Variants in TMEM71 observed in about 807,000 individuals in gnomAD.
TMEM71 encodes transmembrane protein 71.
Under a neutral mutation model 38.0 loss-of-function variants are expected in TMEM71, and 44 were observed. That is an observed-to-expected ratio of 1.16 (90% CI 0.91 to 1.49). TMEM71 has a LOEUF of 1.49. Ranked by LOEUF, TMEM71 falls within the 40% of genes most tolerant of loss-of-function variation. The pLI, the probability that TMEM71 is intolerant of heterozygous loss-of-function variation, is 0.00. For missense variants in TMEM71, 367 were observed against 348.6 expected (o/e 1.05, Z -0.42); for synonymous variants, 133 against 122.5 (o/e 1.09, Z -0.56).
At position 132,711,045 on chromosome 8, in the gene TMEM71, C is replaced by T. The variant is rs1480454812; in HGVS notation, c.873-63G>A. On this transcript the variant is annotated intron_variant, in intron 9 of 9. Coordinates refer to ENST00000677595, the MANE Select transcript of TMEM71 (RefSeq NM_001382403.1). Reference sequence around the variant, plus strand: ...TCCCCATGCACAGGAAATGCAGTATCTAATCACTGCATACCCATTTGCGCA... The same window carrying T: ...TCCCCATGCACAGGAAATGCAGTATTTAATCACTGCATACCCATTTGCGCA... The T allele has an allele frequency of 3.4e-6, 5 of 1,464,040 alleles. 1 individual carries two copies. Among genetic ancestry groups the T allele is most frequent in the Non-Finnish European group, 4.7e-6 (5 of 1,053,700 alleles). The allele number at this position is 1,464,040 out of a possible 1,614,324, so 90.7% of individuals were successfully genotyped here.
intron 6 of TMEM71, among the ~76,000 whole-genome samples, chr8:132,726,915 G>A (rs982370106): frequency 6.8e-5 from 10 of 147,570 alleles, no homozygotes; most frequent in East Asian, 6.1e-4. Context: ...GTATGATCTC[G>A]AGTGATCTCG....
chr8:132,706,670 G>C (rs916085635), downstream of TMEM71, among the ~76,000 whole-genome samples: 2 of 152,006 alleles, frequency 1.3e-5, no homozygotes, highest in Non-Finnish European at 2.9e-5. Flanking sequence ...TAAACTTTTT[G>C]TTTTGAAAAT....
At chr8:132,739,069 T>A (rs1003288324) in intron 5 of TMEM71, among the ~76,000 whole-genome samples, 1 of 152,108 alleles carries the variant, frequency 6.6e-6, no homozygotes, top group Admixed American at 6.5e-5. Flanking sequence ...TAAAAAAAAA[T>A]GTTACGTGTG....
chr8:132,764,423 G>A (rs1267349728), upstream of TMEM71, among the ~76,000 whole-genome samples: 5 of 152,006 alleles, frequency 3.3e-5, no homozygotes, highest in African/African-American at 4.8e-5. Flanking sequence ...TAGAATATCT[G>A]ATTATGTCAC....
chr8:132,716,276 C>G (rs1468746627), intron 7 of TMEM71, among the ~76,000 whole-genome samples: 1 of 152,222 alleles, frequency 6.6e-6, no homozygotes, highest in African/African-American at 2.4e-5. Flanking sequence ...CTATCGCAAC[C>G]TAGCAGTGAC....
At chr8:132,771,023 T>C in the TMEM71 span, among the ~76,000 whole-genome samples, 1 of 152,198 alleles carries the variant, frequency 6.6e-6, no homozygotes, top group Admixed American at 6.5e-5. Context: ...TTAACAATGA[T>C]AAAAATCAGG....
intron 7 of TMEM71, among the ~76,000 whole-genome samples, chr8:132,718,525 G>A (rs1332110974): frequency 6.6e-6 from 1 of 151,628 alleles, no homozygotes. Flanking sequence ...AGCCTCCCGA[G>A]TAGCTGGGAC....
At chr8:132,727,339 C>A (rs929244224) in intron 6 of TMEM71, among the ~76,000 whole-genome samples, 6 of 151,756 alleles carry the variant, frequency 4.0e-5, no homozygotes, top group African/African-American at 1.5e-4. Flanking sequence ...TCACTGCAAC[C>A]TCTGCCTCCT....
chr8:132,710,160 G>A lies in TMEM71; in HGVS notation c.*807C>T, dbSNP rs1429378852. On this transcript the variant is annotated 3_prime_UTR_variant, in exon 10 of 10. Coordinates refer to ENST00000677595, the MANE Select transcript of TMEM71 (RefSeq NM_001382403.1). ...CGCACCAAGTGTGGGGGGTGGAAAG[G>A]GAACATCTACAGCCCTTGAGTCAAG... 1 of 152,076 alleles carries A rather than the reference G, an allele frequency of 6.6e-6. No homozygotes were observed. The highest frequency in any genetic ancestry group is 2.4e-5 in the African/African-American group (1 of 41,420). The allele number at this position is 152,076 out of a possible 1,614,324, so 9.4% of individuals were successfully genotyped here.
chr8:132,726,854 C>CTTCT (rs537321053), intron 6 of TMEM71, among the ~76,000 whole-genome samples: 1 of 139,998 alleles, frequency 7.1e-6, no homozygotes, highest in African/African-American at 2.7e-5. Flanking sequence ...TCTTCTTCTT[C>CTTCT]TTTTTTTTTT....
chr8:132,721,237 G>A (rs1184280957), intron 7 of TMEM71, among the ~76,000 whole-genome samples: 6 of 152,286 alleles, frequency 3.9e-5, no homozygotes, highest in Admixed American at 1.3e-4. Context: ...ACTTGAATAG[G>A]GAAAGGAAAA....
the TMEM71 span, among the ~76,000 whole-genome samples, chr8:132,775,912 C>A: frequency 1.3e-5 from 2 of 152,296 alleles, no homozygotes; most frequent in South Asian, 2.1e-4. Flanking sequence ...CGTGCCACCC[C>A]CTCTCTGTCT....
the TMEM71 span, among the ~76,000 whole-genome samples, chr8:132,775,135 C>T: frequency 2.6e-5 from 4 of 152,216 alleles, no homozygotes; most frequent in African/African-American, 7.2e-5. Context: ...ATAAACAATG[C>T]CCTTCGTCCT....
upstream of TMEM71, among the ~76,000 whole-genome samples, chr8:132,762,777 A>G (rs1404030102): frequency 3.9e-5 from 6 of 152,198 alleles, no homozygotes; most frequent in East Asian, 3.8e-4. Context: ...TTCTTAACCT[A>G]TAAGTGTAAT....
intron 5 of TMEM71, among the ~76,000 whole-genome samples, chr8:132,734,771 CA>C (rs1245056175): frequency 6.6e-6 from 1 of 152,034 alleles, no homozygotes; most frequent in Admixed American, 6.6e-5. Context: ...GATTATAAGG[CA>C]AAAAATATTT....
chr8:132,732,644 C>T (rs937569694), intron 5 of TMEM71, among the ~76,000 whole-genome samples: 3 of 152,130 alleles, frequency 2.0e-5, no homozygotes, highest in Admixed American at 6.5e-5. Context: ...GAGAGATTTG[C>T]GAGATTCCCA....
downstream of TMEM71, among the ~76,000 whole-genome samples, chr8:132,707,041 T>A (rs1416313214): frequency 6.6e-6 from 1 of 152,170 alleles, no homozygotes; most frequent in Non-Finnish European, 1.5e-5. Flanking sequence ...ACCACAGACA[T>A]GCGATCAGCA....
rs188302178 is a variant in TMEM71, at chr8:132,721,769, C to T, written c.752+271G>A. Among the ~76,000 whole-genome samples, 3 of 152,206 alleles carry T rather than the reference C, an allele frequency of 2.0e-5. No homozygotes were observed. The East Asian group carries it at 5.8e-4, about 29-fold the overall frequency. ...CAGGCTGGTCTCGAACTGCTGACCTCAGGTGATCCTTCCACCTTGGCCTCC... is the reference window on the plus strand; with the variant it reads ...CAGGCTGGTCTCGAACTGCTGACCTTAGGTGATCCTTCCACCTTGGCCTCC... On this transcript the variant is annotated intron_variant, in intron 7 of 9. Coordinates refer to ENST00000677595, the MANE Select transcript of TMEM71 (RefSeq NM_001382403.1).
upstream of TMEM71, among the ~76,000 whole-genome samples, chr8:132,763,291 G>C (rs543015521): frequency 2.6e-5 from 4 of 152,296 alleles, no homozygotes; most frequent in African/African-American, 7.2e-5. Flanking sequence ...AGCATTAAAA[G>C]AGCAGAGAAT....
Sources: gnomAD v4.1 joint callset for allele counts (sites outside exome capture counted in the v4.1 genomes callset) on GRCh38, gnomAD v4.1.1 for gene constraint, MANE v1.5 for transcripts, NCBI Gene and HGNC (gene_info 2026-07-23, HGNC 2026-07-21) for gene names.